The following PCDHA7 variants were observed in gnomAD, a reference collection of about 807,000 sequenced individuals.
The protein encoded by PCDHA7 is protocadherin alpha 7, also known as protocadherin alpha-7.
In PCDHA7, 37 loss-of-function variants were observed where a neutral mutation model predicts 57.2. The observed-to-expected ratio is 0.65, with a 90% CI of 0.50 to 0.85. PCDHA7 has a LOEUF of 0.85. Ranked by LOEUF, PCDHA7 falls within the 40% of genes least tolerant of loss-of-function variation. The pLI is 0.00. For synonymous variants in PCDHA7, 553 were observed against 558.8 expected, an observed-to-expected ratio of 0.99 and a Z score of 0.15; for missense variants, 1,188 against 1,241.8, an observed-to-expected ratio of 0.96 and a Z score of 0.65.
intron 1 of PCDHA7, chr5:140,841,338 G>C (rs2150313822): frequency 1.2e-6 from 2 of 1,611,372 alleles, no homozygotes; most frequent in South Asian, 1.1e-5. Flanking sequence ...TATCACTGGC[G>C]AGGAGAGCTG....
At chr5:140,925,545 T>C (rs2082554124) in intron 1 of PCDHA7, among the ~76,000 whole-genome samples, 1 of 151,896 alleles carries the variant, frequency 6.6e-6, no homozygotes, top group Non-Finnish European at 1.5e-5. Flanking sequence ...ATACCTAATG[T>C]AAATGACAAG....
intron 1 of PCDHA7, among the ~76,000 whole-genome samples, chr5:140,891,611 T>G (rs1457156522): frequency 6.6e-6 from 1 of 152,226 alleles, no homozygotes; most frequent in East Asian, 1.9e-4. Context: ...TTTCTACCTT[T>G]TATTTTAACA....
intron 1 of PCDHA7, among the ~76,000 whole-genome samples, chr5:140,939,496 T>C (rs1056805885): frequency 4.6e-5 from 7 of 150,952 alleles, no homozygotes; most frequent in African/African-American, 1.5e-4. Context: ...AATTATAAAT[T>C]CAATGTCTAT....
chr5:140,886,753 G>A (rs1434667485), intron 1 of PCDHA7, among the ~76,000 whole-genome samples: 3 of 151,010 alleles, frequency 2.0e-5, no homozygotes, highest in African/African-American at 7.3e-5. Flanking sequence ...TTGAACCCGG[G>A]AGGTGGAGGT....
At chr5:140,928,639 G>A in intron 1 of PCDHA7, 1 of 1,614,218 alleles carries the variant, frequency 6.2e-7, no homozygotes, top group Non-Finnish European at 8.5e-7. Context: ...GGTCACAAAA[G>A]TGGTAGCAGA....
intron 1 of PCDHA7, among the ~76,000 whole-genome samples, chr5:140,936,113 G>A (rs1316824905): frequency 2.0e-5 from 3 of 151,964 alleles, no homozygotes; most frequent in South Asian, 2.1e-4. Context: ...GGCTGGTCTC[G>A]AACTCCTGAC....
At chr5:141,005,285 A>T (rs1285354488) in intron 3 of PCDHA7, among the ~76,000 whole-genome samples, 1 of 152,218 alleles carries the variant, frequency 6.6e-6, no homozygotes, top group Non-Finnish European at 1.5e-5. Context: ...ATAAACAGAT[A>T]CATTTTTTGC....
At chr5:140,884,541 T>C (rs782267123) in intron 1 of PCDHA7, 17 of 1,613,862 alleles carry the variant, frequency 1.1e-5, no homozygotes, top group Non-Finnish European at 1.4e-5. Flanking sequence ...CGGCCGAGGG[T>C]GTGCTCTGGG....
intron 1 of PCDHA7, among the ~76,000 whole-genome samples, chr5:140,947,890 G>A (rs1233922642): frequency 1.3e-5 from 2 of 151,506 alleles, no homozygotes; most frequent in African/African-American, 4.8e-5. Context: ...AATATAAACA[G>A]AAGTGGTGAG....
chr5:140,961,247 C>T (rs527974851), intron 1 of PCDHA7, among the ~76,000 whole-genome samples: 6 of 152,070 alleles, frequency 3.9e-5, no homozygotes, highest in East Asian at 1.9e-4. Flanking sequence ...GGAATTTATC[C>T]GAAGCTCCAG....
intron 1 of PCDHA7, among the ~76,000 whole-genome samples, chr5:140,838,280 A>ATTTTT (rs2150286950): frequency 0.017 from 2,338 of 139,538 alleles, 73 homozygotes; most frequent in African/African-American, 0.061. Flanking sequence ...AGCCATGCTA[A>ATTTTT]TTTTTTTTTT....
At chr5:140,906,917 C>T (rs2073040753) in intron 1 of PCDHA7, among the ~76,000 whole-genome samples, 1 of 152,114 alleles carries the variant, frequency 6.6e-6, no homozygotes, top group Non-Finnish European at 1.5e-5. Context: ...AGGAGGAGCC[C>T]AAAAAGTGTC....
At chr5:140,842,699 T>A in intron 1 of PCDHA7, 3 of 1,595,060 alleles carry the variant, frequency 1.9e-6, no homozygotes, top group Non-Finnish European at 2.6e-6. Context: ...GCAGCCCGAG[T>A]ACACGGTGTT....
At chr5:141,000,379 C>G (rs1286955585) in intron 3 of PCDHA7, among the ~76,000 whole-genome samples, 6 of 60,366 alleles carry the variant, frequency 9.9e-5, no homozygotes, top group South Asian at 5.4e-4. Context: ...CTCTCTCTCT[C>G]TCTCTCTCTC....
intron 1 of PCDHA7, among the ~76,000 whole-genome samples, chr5:140,908,375 G>C (rs922545563): frequency 6.6e-6 from 1 of 152,174 alleles, no homozygotes; most frequent in Non-Finnish European, 1.5e-5. Context: ...TTCAGGACCT[G>C]CTCGAGCCCG....
chr5:140,883,339 C>T (rs142984869), intron 1 of PCDHA7: 2 of 1,614,172 alleles, frequency 1.2e-6, no homozygotes, highest in Admixed American at 3.3e-5. Flanking sequence ...CTTTGTCACT[C>T]CCCATCAGAG....
At chr5:140,845,060 C>A in intron 1 of PCDHA7, among the ~76,000 whole-genome samples, 1 of 149,380 alleles carries the variant, frequency 6.7e-6, no homozygotes, top group Non-Finnish European at 1.5e-5. Flanking sequence ...TGAAGGTAAC[C>A]TCAAAGCAGC....
intron 1 of PCDHA7, chr5:140,863,111 C>T (rs782266273): frequency 1.2e-5 from 7 of 585,488 alleles, no homozygotes; most frequent in Non-Finnish European, 1.7e-5. Context: ...CTGGACGAGG[C>T]GAAAGCTACG....
chr5:140,871,445 A>C, intron 1 of PCDHA7: 1 of 1,609,986 alleles, frequency 6.2e-7, no homozygotes, highest in Non-Finnish European at 8.5e-7. Flanking sequence ...GGTCTGAATA[A>C]AGAGGAGGAA....
Sources: gnomAD v4.1 joint callset for allele counts (sites outside exome capture counted in the v4.1 genomes callset) on GRCh38, gnomAD v4.1.1 for gene constraint, MANE v1.5 for transcripts, NCBI Gene and HGNC (gene_info 2026-07-23, HGNC 2026-07-21) for gene names.